BTG4: variants seen among roughly 807,000 people sequenced by gnomAD.
BTG4 encodes the protein BTG anti-proliferation factor 4.
A neutral mutation model predicts 19.3 loss-of-function variants in BTG4; 10 were observed. That is an observed-to-expected ratio of 0.52 (90% confidence interval 0.32 to 0.88). The LOEUF is 0.88. Ranked by LOEUF, BTG4 falls within the 40% of genes least tolerant of loss-of-function variation. The pLI, the probability that BTG4 is intolerant of heterozygous loss-of-function variation, is 0.04. For synonymous variants in BTG4, 91 were observed against 95.7 expected (o/e 0.95, Z 0.29); for missense variants, 238 against 281.9 (o/e 0.84, Z 1.11).
chr11:111,477,781 G>A (rs968162634), intron 5 of BTG4, among the ~76,000 whole-genome samples: 2 of 152,060 alleles, frequency 1.3e-5, no homozygotes, highest in Non-Finnish European at 1.5e-5. Flanking sequence ...CTGCTCTTTA[G>A]CGAAAGGACC....
At chr11:111,429,416 C>T in the BTG4 span, among the ~76,000 whole-genome samples, 1 of 152,118 alleles carries the variant, frequency 6.6e-6, no homozygotes, top group African/African-American at 2.4e-5. Flanking sequence ...CTCAAGGTCA[C>T]GTAGCAACTG....
At chr11:111,443,785 G>C in the BTG4 span, among the ~76,000 whole-genome samples, 1 of 152,296 alleles carries the variant, frequency 6.6e-6, no homozygotes, top group Middle Eastern at 3.4e-3. Flanking sequence ...GAGGACCTGG[G>C]TGCAACAAGT....
chr11:111,398,614 C>T, the BTG4 span, among the ~76,000 whole-genome samples: 2 of 152,038 alleles, frequency 1.3e-5, no homozygotes, highest in South Asian at 2.1e-4. Context: ...CCACCATGCC[C>T]GGCTAATTTT....
At chr11:111,390,272 G>A in the BTG4 span, among the ~76,000 whole-genome samples, 2 of 152,148 alleles carry the variant, frequency 1.3e-5, no homozygotes, top group African/African-American at 2.4e-5. Flanking sequence ...TTTGCTGAAT[G>A]TCATCCCACT....
the BTG4 span, among the ~76,000 whole-genome samples, chr11:111,431,807 G>C: frequency 2.0e-5 from 3 of 152,266 alleles, no homozygotes; most frequent in East Asian, 5.8e-4. Flanking sequence ...CCCAATCAGA[G>C]ATGTAAGAAC....
intron 5 of BTG4, among the ~76,000 whole-genome samples, chr11:111,488,429 G>A (rs1352352920): frequency 6.6e-6 from 1 of 152,118 alleles, no homozygotes; most frequent in Non-Finnish European, 1.5e-5. Flanking sequence ...ACTATCTCTT[G>A]CCATATGTAG....
At chr11:111,415,051 C>G in the BTG4 span, 1 of 152,256 alleles carries the variant, frequency 6.6e-6, no homozygotes, top group African/African-American at 2.4e-5. Flanking sequence ...AGCACAAACT[C>G]TGCTACCTGG....
the BTG4 span, among the ~76,000 whole-genome samples, chr11:111,434,656 T>C: frequency 2.0e-5 from 3 of 151,562 alleles, no homozygotes; most frequent in Non-Finnish European, 4.4e-5. Flanking sequence ...AAGTACTCCA[T>C]GTAAATATAC....
At chr11:111,511,652 G>A (rs1019226202) in intron 1 of BTG4, among the ~76,000 whole-genome samples, 14 of 152,156 alleles carry the variant, frequency 9.2e-5, no homozygotes, top group African/African-American at 3.4e-4. Context: ...TTCATTAAAG[G>A]CAAAGGAGGG....
intron 5 of BTG4, chr11:111,475,470 A>AT (rs1403155144): frequency 6.6e-6 from 1 of 152,132 alleles, no homozygotes; most frequent in African/African-American, 2.4e-5. Flanking sequence ...ATGGATATAT[A>AT]TATATAATAT....
the BTG4 span, among the ~76,000 whole-genome samples, chr11:111,426,850 AGTTTACTCAAAGTGTAT>A: frequency 6.6e-6 from 1 of 152,158 alleles, no homozygotes; most frequent in Non-Finnish European, 1.5e-5. Flanking sequence ...ATCACCCCGG[AGTTTACTCAAAGTGTAT>A]GTGCCTTAGC....
the BTG4 span, among the ~76,000 whole-genome samples, chr11:111,393,525 C>G: frequency 6.6e-6 from 1 of 152,154 alleles, no homozygotes; most frequent in Non-Finnish European, 1.5e-5. Context: ...ATCTACTACT[C>G]TAGTCCCAAA....
At chr11:111,471,748 C>T (rs750422449) in intron 5 of BTG4, among the ~76,000 whole-genome samples, 27 of 152,316 alleles carry the variant, frequency 1.8e-4, no homozygotes, top group Non-Finnish European at 3.4e-4. Flanking sequence ...ACCCATACCT[C>T]CAACTGTTTA....
rs769105147 is a variant in BTG4, at chr11:111,495,300, T to G, written c.525A>C (p.Lys175Asn). 12 of 1,611,440 alleles carry G rather than the reference T, an allele frequency of 7.4e-6. No homozygotes were observed. The Admixed American group carries it at 1.2e-4, about 16-fold the overall frequency. The change falls in exon 5 of 5, where the codon AAA becomes AAC. Residue 175 changes from lysine (K) to asparagine (N), a missense_variant. By Grantham distance (94) the Lys-to-Asn change is moderately conservative. Coordinates refer to ENST00000692032, the MANE Select transcript of BTG4 (RefSeq NM_001367975.1). ...TTTGTAACCAAGATTGAAAGGGCTG[T>G]TTCAAGTTTTCAACCTGGAAAAAAA... Reference protein sequence around the residue: ...PKSIYQVENLKQPFQSWLQIP... With the variant: ...PKSIYQVENLNQPFQSWLQIP...
At chr11:111,504,748 C>T (rs895928693) in intron 1 of BTG4, among the ~76,000 whole-genome samples, 1 of 151,880 alleles carries the variant, frequency 6.6e-6, no homozygotes, top group Admixed American at 6.6e-5. Context: ...GACTCCTTGG[C>T]CTGATTAACA....
At chr11:111,470,247 A>C (rs1022741214) in intron 5 of BTG4, among the ~76,000 whole-genome samples, 2 of 152,078 alleles carry the variant, frequency 1.3e-5, no homozygotes, top group Non-Finnish European at 2.9e-5. Flanking sequence ...CCATCCCGGC[A>C]AATTTTCATA....
chr11:111,394,216 C>G, the BTG4 span, among the ~76,000 whole-genome samples: 94,364 of 152,162 alleles, frequency 0.62, 31,267 homozygotes, highest in Non-Finnish European at 0.74. Context: ...TCTGAACTTG[C>G]GGTAGCCAGC....
the BTG4 span, chr11:111,384,668 T>TA: frequency 1.3e-5 from 2 of 152,168 alleles, no homozygotes; most frequent in Admixed American, 1.3e-4. Context: ...AAATTGCTCT[T>TA]AGAGAAAGCA....
intron 5 of BTG4, among the ~76,000 whole-genome samples, chr11:111,484,816 C>A (rs1864957598): frequency 6.6e-6 from 1 of 152,140 alleles, no homozygotes; most frequent in Non-Finnish European, 1.5e-5. Flanking sequence ...GGACTGAATT[C>A]TCCAATCAAA....
Sources: allele counts gnomAD v4.1 joint callset (sites outside exome capture counted in the v4.1 genomes callset), GRCh38; gene constraint gnomAD v4.1.1; transcripts MANE v1.5; gene names NCBI Gene and HGNC (gene_info 2026-07-23, HGNC 2026-07-21).